The following ZNF536 variants were observed in gnomAD, a reference collection of about 807,000 sequenced individuals.
The protein encoded by ZNF536 is zinc finger protein 536.
Under a neutral mutation model 84.5 loss-of-function variants are expected in ZNF536, and 13 were observed. That is an observed-to-expected ratio of 0.15 (90% CI 0.10 to 0.24). The LOEUF (loss-of-function observed/expected upper bound fraction) is 0.24. Among genes scored for constraint, ZNF536 ranks in the 10% least tolerant of loss-of-function variants. The pLI is 1.00. For synonymous variants in ZNF536, 811 were observed against 742.5 expected, an observed-to-expected ratio of 1.09 and a Z score of -1.50; for missense variants, 1,536 against 1,747.5, an observed-to-expected ratio of 0.88 and a Z score of 2.16.
chr19:30,398,545 G>A (rs939124474), intron 1 of ZNF536, among the ~76,000 whole-genome samples: 1 of 151,914 alleles, frequency 6.6e-6, no homozygotes. Context: ...CCCTAGCCTC[G>A]CAATCCCGGA....
At chr19:30,617,618 G>A (rs1209805973) in intron 1 of ZNF536, among the ~76,000 whole-genome samples, 1 of 151,716 alleles carries the variant, frequency 6.6e-6, no homozygotes, top group Admixed American at 6.6e-5. Flanking sequence ...CCAAAGTGCT[G>A]GGATTACAGG....
chr19:30,301,567 A>G (rs1164861633), intron 2 of ZNF536, among the ~76,000 whole-genome samples: 9 of 152,234 alleles, frequency 5.9e-5, no homozygotes, highest in Non-Finnish European at 1.0e-4. Flanking sequence ...CTTTAAGAGT[A>G]ATGGACAGAG....
intron 3 of ZNF536, among the ~76,000 whole-genome samples, chr19:30,357,335 A>G (rs1017267754): frequency 6.6e-6 from 1 of 152,198 alleles, no homozygotes; most frequent in African/African-American, 2.4e-5. Context: ...ATGGCGGGGA[A>G]GAGCGTGGCA....
intron 1 of ZNF536, among the ~76,000 whole-genome samples, chr19:30,272,026 T>A (rs1443675523): frequency 6.6e-6 from 1 of 152,192 alleles, no homozygotes; most frequent in Non-Finnish European, 1.5e-5. Context: ...CTCTGGGAAT[T>A]TTTTGGACAT....
At chr19:30,669,292 G>C (rs1277213737) in intron 1 of ZNF536, among the ~76,000 whole-genome samples, 1 of 152,216 alleles carries the variant, frequency 6.6e-6, no homozygotes, top group Non-Finnish European at 1.5e-5. Context: ...TCCCTAAACT[G>C]GGCATCTGGC....
intron 1 of ZNF536, among the ~76,000 whole-genome samples, chr19:30,426,685 G>A (rs1219711179): frequency 3.3e-5 from 5 of 152,156 alleles, no homozygotes; most frequent in Admixed American, 2.6e-4. Context: ...ACAGGGAGAC[G>A]TGCTTCCTGA....
At chr19:30,462,260 G>A (rs1163860265) in intron 2 of ZNF536, among the ~76,000 whole-genome samples, 4 of 152,036 alleles carry the variant, frequency 2.6e-5, no homozygotes, top group African/African-American at 9.7e-5. Context: ...GTGATGGATG[G>A]GAGGAGGCCA....
intron 1 of ZNF536, among the ~76,000 whole-genome samples, chr19:30,563,548 T>G (rs2046247757): frequency 6.6e-6 from 1 of 152,222 alleles, no homozygotes; most frequent in South Asian, 2.1e-4. Context: ...TAATTTAATT[T>G]TAAATCACAA....
chr19:30,659,457 A>G (rs1320888329), intron 1 of ZNF536, among the ~76,000 whole-genome samples: 4 of 152,142 alleles, frequency 2.6e-5, no homozygotes, highest in Admixed American at 2.6e-4. Context: ...ATCACTGGGG[A>G]TTACAATTTG....
chr19:30,393,917 G>A (rs530738046), intron 1 of ZNF536, among the ~76,000 whole-genome samples: 2 of 152,344 alleles, frequency 1.3e-5, no homozygotes, highest in Admixed American at 1.3e-4. Flanking sequence ...GTTTGGTGGT[G>A]TTGGACAGGG....
intron 1 of ZNF536, among the ~76,000 whole-genome samples, chr19:30,583,145 A>C (rs1490523000): frequency 6.6e-6 from 1 of 152,190 alleles, no homozygotes; most frequent in Non-Finnish European, 1.5e-5. Flanking sequence ...GAGGGGTAGC[A>C]CTAGGTAGTC....
At chr19:30,371,874 T>A (rs1208045218), upstream of ZNF536, among the ~76,000 whole-genome samples, 1 of 152,066 alleles carries the variant, frequency 6.6e-6, no homozygotes, top group African/African-American at 2.4e-5. Flanking sequence ...CATTGAAGAA[T>A]CTATGCATTT....
chr19:30,289,019 G>A (rs894227641), intron 2 of ZNF536, among the ~76,000 whole-genome samples: 3 of 152,178 alleles, frequency 2.0e-5, no homozygotes, highest in South Asian at 4.1e-4. Context: ...TGTCAGAAAG[G>A]GTGGTGAGTT....
intron 2 of ZNF536, among the ~76,000 whole-genome samples, chr19:30,486,478 C>T (rs1322310925): frequency 6.6e-6 from 1 of 152,208 alleles, no homozygotes; most frequent in African/African-American, 2.4e-5. Flanking sequence ...ACATGTACCA[C>T]ATTTTCTTTA....
At chr19:30,234,771 AC>A in intron 1 of ZNF536, among the ~76,000 whole-genome samples, 1 of 148,788 alleles carries the variant, frequency 6.7e-6, no homozygotes, top group South Asian at 2.1e-4. Context: ...ACACACACAC[AC>A]ACGCGCACAC....
intron 1 of ZNF536, among the ~76,000 whole-genome samples, chr19:30,570,410 G>T (rs2146540101): frequency 6.6e-6 from 1 of 152,306 alleles, no homozygotes; most frequent in East Asian, 1.9e-4. Context: ...TGCAGAGGCA[G>T]CCGGGAGCCA....
At chr19:30,692,103 G>A (rs2051436263) in intron 1 of ZNF536, among the ~76,000 whole-genome samples, 1 of 152,250 alleles carries the variant, frequency 6.6e-6, no homozygotes. Flanking sequence ...AGACGAACTT[G>A]CTCCTCTTTT....
chr19:30,623,381 C>G (rs761218513), intron 1 of ZNF536, among the ~76,000 whole-genome samples: 6 of 152,218 alleles, frequency 3.9e-5, no homozygotes, highest in Non-Finnish European at 8.8e-5. Flanking sequence ...CTGCTATGCT[C>G]AGATTCTTGG....
At chr19:30,469,765 G>C (rs1169992471) in intron 2 of ZNF536, among the ~76,000 whole-genome samples, 1 of 152,080 alleles carries the variant, frequency 6.6e-6, no homozygotes, top group East Asian at 1.9e-4. Context: ...TCATGGGTGT[G>C]ATAGGAGAGG....
Sources: gnomAD v4.1 joint callset for allele counts (sites outside exome capture counted in the v4.1 genomes callset) on GRCh38, gnomAD v4.1.1 for gene constraint, MANE v1.5 for transcripts, NCBI Gene and HGNC (gene_info 2026-07-23, HGNC 2026-07-21) for gene names.